The following TRPC4 variants were observed in gnomAD, a reference collection of about 807,000 sequenced individuals.
TRPC4 encodes short transient receptor potential channel 4.
In TRPC4, 49 loss-of-function variants were observed where a neutral mutation model predicts 99.4. The ratio of observed to expected loss-of-function variants is 0.49; its 90% CI spans 0.39 to 0.63. The LOEUF is 0.63. Ranked by LOEUF, TRPC4 falls within the 20% of genes least tolerant of loss-of-function variation. TRPC4 has a pLI of 0.00. For synonymous variants in TRPC4, 454 were observed against 425.9 expected (o/e 1.07, Z -0.81); for missense variants, 898 against 1,152.9 (o/e 0.78, Z 3.20).
Position 37,783,378 on chromosome 13 carries a change from A to T in TRPC4, c.-27-18T>A, listed in dbSNP as rs761636656. 31 of 1,499,992 alleles carry T rather than the reference A, an allele frequency of 2.1e-5. No homozygotes were observed. In the South Asian group the frequency reaches 4.1e-4, roughly 20 times the overall value. The allele number at this position is 1,499,992 out of a possible 1,614,324, so 92.9% of individuals were successfully genotyped here. A position where few individuals can be genotyped will look rare whatever the true frequency, so the allele number is the denominator to read the frequency against. ...CTTCGTCTCTGAAAGTAGAAACAAA[A>T]AACACAAAGATTAGTGTTAATATGC... On this transcript the variant is annotated intron_variant, in intron 1 of 10. Coordinates refer to ENST00000379705, the MANE Select transcript of TRPC4 (RefSeq NM_016179.4).
At chr13:37,714,392 G>A (rs1214591506) in intron 3 of TRPC4, among the ~76,000 whole-genome samples, 1 of 152,098 alleles carries the variant, frequency 6.6e-6, no homozygotes, top group Non-Finnish European at 1.5e-5. Context: ...CTCCCAAAGC[G>A]CTGGGATTAC....
chr13:37,859,914 C>T (rs2139712160), intron 1 of TRPC4, among the ~76,000 whole-genome samples: 1 of 151,346 alleles, frequency 6.6e-6, no homozygotes, highest in African/African-American at 2.4e-5. Context: ...CTCCCCACCC[C>T]CACCTCCATG....
chr13:37,722,204 G>T (rs1194196269), intron 3 of TRPC4, among the ~76,000 whole-genome samples: 1 of 152,180 alleles, frequency 6.6e-6, no homozygotes, highest in African/African-American at 2.4e-5. Flanking sequence ...GAGTTTTGCT[G>T]TTGGGATTCT....
chr13:37,788,189 T>C (rs963471845), intron 1 of TRPC4, among the ~76,000 whole-genome samples: 3 of 152,172 alleles, frequency 2.0e-5, no homozygotes, highest in Non-Finnish European at 4.4e-5. Flanking sequence ...TGAGCTTTCA[T>C]CCATTCCCAT....
chr13:37,703,818 C>T (rs1954181054), intron 3 of TRPC4, among the ~76,000 whole-genome samples: 1 of 151,862 alleles, frequency 6.6e-6, no homozygotes, highest in Non-Finnish European at 1.5e-5. Flanking sequence ...AATGATACAT[C>T]CATTCTTACT....
At position 37,703,647 on chromosome 13, in the gene TRPC4, T is replaced by A. The variant is rs975033172; in HGVS notation, c.898-11312A>T. Among the ~76,000 whole-genome samples, 6 of 152,094 alleles carry A rather than the reference T, an allele frequency of 3.9e-5. 1 individual carries two copies. The highest frequency in any genetic ancestry group is 3.9e-4 in the Admixed American group (6 of 15,252). On this transcript the variant is annotated intron_variant, in intron 3 of 10. Transcript: ENST00000379705. Reference sequence around the variant, plus strand: ...CAATGAAGTATCACTGCATACCTATTAGAATGACTAAAATTAAAAAAAATA... The same window carrying A: ...CAATGAAGTATCACTGCATACCTATAAGAATGACTAAAATTAAAAAAAATA...
intron 3 of TRPC4, among the ~76,000 whole-genome samples, chr13:37,740,233 T>G (rs1955539186): frequency 6.6e-6 from 1 of 152,128 alleles, no homozygotes; most frequent in Non-Finnish European, 1.5e-5. Context: ...GAGAGAGATG[T>G]TACTGTCCCT....
At chr13:37,707,150 A>C (rs948608937) in intron 3 of TRPC4, among the ~76,000 whole-genome samples, 5 of 152,226 alleles carry the variant, frequency 3.3e-5, no homozygotes, top group Admixed American at 3.3e-4. Flanking sequence ...GATGTTAAAA[A>C]TACACATATA....
intron 1 of TRPC4, among the ~76,000 whole-genome samples, chr13:37,827,993 CGTCGGAAAAGTGCA>C (rs997294433): frequency 9.9e-5 from 15 of 152,236 alleles, no homozygotes; most frequent in Non-Finnish European, 2.1e-4. Context: ...TTTTTAAGCC[CGTCGGAAAAGTGCA>C]GTACTCGGGT....
chr13:37,824,741 G>A (rs1449958526), intron 1 of TRPC4, among the ~76,000 whole-genome samples: 1 of 152,048 alleles, frequency 6.6e-6, no homozygotes, highest in African/African-American at 2.4e-5. Context: ...TCTCTTTTTG[G>A]TTGTGTCTCT....
intron 4 of TRPC4, among the ~76,000 whole-genome samples, chr13:37,678,271 C>A (rs946887806): frequency 2.0e-5 from 3 of 151,592 alleles, no homozygotes; most frequent in Non-Finnish European, 4.4e-5. Context: ...ACAAAGGTAA[C>A]AAAAATCAAT....
At chr13:37,756,555 T>C (rs1046475311) in intron 2 of TRPC4, among the ~76,000 whole-genome samples, 1 of 147,544 alleles carries the variant, frequency 6.8e-6, no homozygotes, top group Non-Finnish European at 1.5e-5. Context: ...TTTTCTGAGG[T>C]AGAGTCTTGC....
chr13:37,831,410 A>T (rs1958418161), intron 1 of TRPC4, among the ~76,000 whole-genome samples: 1 of 152,236 alleles, frequency 6.6e-6, no homozygotes, highest in Non-Finnish European at 1.5e-5. Context: ...ATGTAGAGAA[A>T]AGGAAATCCT....
chr13:37,691,097 A>G (rs1294031608), intron 4 of TRPC4, among the ~76,000 whole-genome samples: 1 of 151,888 alleles, frequency 6.6e-6, no homozygotes, highest in East Asian at 1.9e-4. Context: ...CACTAGCTAC[A>G]TTTTTTTCCT....
At chr13:37,756,917 G>C (rs74362997) in intron 2 of TRPC4, among the ~76,000 whole-genome samples, 1 of 151,752 alleles carries the variant, frequency 6.6e-6, no homozygotes, top group Non-Finnish European at 1.5e-5. Flanking sequence ...AAAGAAATTC[G>C]GCACGATTAC....
chr13:37,677,706 A>G (rs1368800568), intron 4 of TRPC4, among the ~76,000 whole-genome samples: 1 of 152,200 alleles, frequency 6.6e-6, no homozygotes, highest in Non-Finnish European at 1.5e-5. Context: ...AAGTAGAATT[A>G]TAAGTGGAGG....
At chr13:37,653,924 TAG>T (rs1234841497) in intron 7 of TRPC4, among the ~76,000 whole-genome samples, 7 of 152,138 alleles carry the variant, frequency 4.6e-5, no homozygotes, top group African/African-American at 9.7e-5. Context: ...CACAAAAATT[TAG>T]AGTCTATTTA....
At chr13:37,649,414 G>C (rs769493801) in intron 8 of TRPC4, among the ~76,000 whole-genome samples, 7 of 151,964 alleles carry the variant, frequency 4.6e-5, no homozygotes, top group Non-Finnish European at 8.8e-5. Context: ...TACGGCAAGG[G>C]GGACACATGC....
intron 8 of TRPC4, among the ~76,000 whole-genome samples, chr13:37,640,637 T>A (rs531114555): frequency 6.6e-6 from 1 of 152,152 alleles, no homozygotes; most frequent in Non-Finnish European, 1.5e-5. Context: ...CTTGAAAAAG[T>A]ATGGCATGGG....
Sources: gnomAD v4.1 joint callset for allele counts (sites outside exome capture counted in the v4.1 genomes callset) on GRCh38, gnomAD v4.1.1 for gene constraint, MANE v1.5 for transcripts, NCBI Gene and HGNC (gene_info 2026-07-23, HGNC 2026-07-21) for gene names.